The following LYRM4 variants were observed in gnomAD, a reference collection of about 807,000 sequenced individuals.
LYRM4 encodes LYR motif containing 4.
A neutral mutation model predicts 11.7 loss-of-function variants in LYRM4; 9 were observed. The observed-to-expected ratio is 0.77, with a 90% CI of 0.46 to 1.34. The LOEUF is 1.34. Among genes scored for constraint, LYRM4 ranks in the 40% most tolerant of loss-of-function variants. The probability of loss-of-function intolerance (pLI) is 0.00; values close to 1 mark genes in which losing one functional copy is unlikely to be tolerated. For synonymous variants in LYRM4, 42 were observed against 40.4 expected, an observed-to-expected ratio of 1.04 and a Z score of -0.15; for missense variants, 133 against 112.5, an observed-to-expected ratio of 1.18 and a Z score of -0.82.
At chr6:5,042,852 G>A in the LYRM4 span, 5 of 152,240 alleles carry the variant, frequency 3.3e-5, no homozygotes, top group Non-Finnish European at 5.9e-5. Context: ...ATCCTGGTAT[G>A]TTCCTTGCTC....
intron 2 of LYRM4, among the ~76,000 whole-genome samples, chr6:5,215,483 G>T (rs1319647601): frequency 6.6e-6 from 1 of 152,166 alleles, no homozygotes; most frequent in Non-Finnish European, 1.5e-5. Context: ...CTGTCTGAGT[G>T]TGGCAGTTAC....
At chr6:5,077,059 C>T in the LYRM4 span, among the ~76,000 whole-genome samples, 3 of 152,198 alleles carry the variant, frequency 2.0e-5, no homozygotes, top group South Asian at 2.1e-4. Context: ...TTCCTGAACC[C>T]GTCCTAGGCC....
At chr6:5,255,347 C>T (rs1475061519) in intron 1 of LYRM4, among the ~76,000 whole-genome samples, 2 of 152,152 alleles carry the variant, frequency 1.3e-5, no homozygotes, top group African/African-American at 4.8e-5. Flanking sequence ...TATAAGCACC[C>T]AGTTGTCTTC....
the LYRM4 span, among the ~76,000 whole-genome samples, chr6:5,061,331 C>G: frequency 6.6e-6 from 1 of 152,176 alleles, no homozygotes; most frequent in Non-Finnish European, 1.5e-5. Flanking sequence ...GCCTGTCAGT[C>G]AATAGTTCAG....
At chr6:5,066,862 G>C in the LYRM4 span, 1 of 889,228 alleles carries the variant, frequency 1.1e-6, no homozygotes, top group South Asian at 1.6e-5. Context: ...AGGCCACGGC[G>C]GTTCCTCGCC....
chr6:5,063,127 C>A, the LYRM4 span, among the ~76,000 whole-genome samples: 34 of 152,288 alleles, frequency 2.2e-4, 1 homozygote, highest in South Asian at 8.3e-4. Flanking sequence ...TCCCTCAATA[C>A]AAAGTCTTCC....
chr6:5,180,734 A>G (rs145491518), intron 2 of LYRM4, among the ~76,000 whole-genome samples: 1 of 152,298 alleles, frequency 6.6e-6, no homozygotes, highest in Non-Finnish European at 1.5e-5. Context: ...GCTCTCGTGG[A>G]TACCCTTGCT....
chr6:5,174,938 G>A (rs1759634974), intron 2 of LYRM4, among the ~76,000 whole-genome samples: 2 of 152,320 alleles, frequency 1.3e-5, no homozygotes, highest in African/African-American at 4.8e-5. Flanking sequence ...ATTCAGCTTA[G>A]ACACATCACA....
chr6:5,183,519 C>T (rs1760201545), intron 2 of LYRM4, among the ~76,000 whole-genome samples: 1 of 152,166 alleles, frequency 6.6e-6, no homozygotes, highest in Non-Finnish European at 1.5e-5. Flanking sequence ...TGCACCAATG[C>T]AATAAAGTTG....
At chr6:5,141,591 G>A (rs1031897286) in intron 2 of LYRM4, among the ~76,000 whole-genome samples, 1 of 152,148 alleles carries the variant, frequency 6.6e-6, no homozygotes, top group African/African-American at 2.4e-5. Context: ...GCTGGAAAAA[G>A]TTTAACTGAT....
At chr6:5,109,590 G>T in intron 2 of LYRM4, 99 bp from the exon 3 acceptor site, 1 of 1,262,368 alleles carries the variant, frequency 7.9e-7, no homozygotes, top group Non-Finnish European at 1.1e-6. Flanking sequence ...ACAAACGTCG[G>T]CCATCCCAGG....
intron 1 of LYRM4, among the ~76,000 whole-genome samples, chr6:5,231,184 C>T (rs1359480087): frequency 1.3e-5 from 2 of 151,752 alleles, no homozygotes; most frequent in Non-Finnish European, 2.9e-5. Context: ...CCGGTCTGGG[C>T]GACAGAGTGA....
intron 2 of LYRM4, among the ~76,000 whole-genome samples, chr6:5,155,427 AGAGTC>A (rs1758356527): frequency 6.6e-6 from 1 of 152,192 alleles, no homozygotes. Flanking sequence ...GACAGTTTTC[AGAGTC>A]CGTCTTTACT....
At chr6:5,072,576 G>GTTT in the LYRM4 span, among the ~76,000 whole-genome samples, 5 of 131,692 alleles carry the variant, frequency 3.8e-5, no homozygotes, top group Non-Finnish European at 6.6e-5. Context: ...TCACATCAAA[G>GTTT]TTTTTTTTTT....
At chr6:5,159,183 G>A (rs1016598) in intron 2 of LYRM4, among the ~76,000 whole-genome samples, 46,092 of 152,174 alleles carry the variant, frequency 0.3, 7,715 homozygotes, top group East Asian at 0.6. Context: ...CAGGTAGGAT[G>A]GTCCCCATGG....
chr6:5,037,699 A>G, the LYRM4 span, among the ~76,000 whole-genome samples: 3 of 22,974 alleles, frequency 1.3e-4, no homozygotes, highest in African/African-American at 2.4e-4. Context: ...TGACCCCCCC[A>G]CCTCCCTCCC....
At chr6:5,251,176 A>G (rs1764411947) in intron 1 of LYRM4, among the ~76,000 whole-genome samples, 1 of 152,202 alleles carries the variant, frequency 6.6e-6, no homozygotes, top group Non-Finnish European at 1.5e-5. Context: ...TAATATATAC[A>G]TACACACACA....
chr6:5,238,151 C>G (rs1029603109), intron 1 of LYRM4, among the ~76,000 whole-genome samples: 5 of 152,102 alleles, frequency 3.3e-5, no homozygotes, highest in African/African-American at 1.2e-4. Context: ...TTAACACACC[C>G]ACAAACAATT....
At chr6:5,100,774 T>C (rs1357697541), downstream of LYRM4, among the ~76,000 whole-genome samples, 1 of 152,238 alleles carries the variant, frequency 6.6e-6, no homozygotes, top group Admixed American at 6.5e-5. Flanking sequence ...GGGGATGTGC[T>C]GTTGCCTCTT....
Sources: gnomAD v4.1 joint callset for allele counts (sites outside exome capture counted in the v4.1 genomes callset) on GRCh38, gnomAD v4.1.1 for gene constraint, MANE v1.5 for transcripts, NCBI Gene and HGNC (gene_info 2026-07-23, HGNC 2026-07-21) for gene names.